SPATA31C1: variants seen among roughly 807,000 people sequenced by gnomAD.
The protein encoded by SPATA31C1 is SPATA31 subfamily C member 1.
chr9:87,921,886 G>T (rs1420635021), exon 5 of SPATA31C1: 1 of 1,611,908 alleles, frequency 6.2e-7, no homozygotes, highest in East Asian at 2.2e-5. Context: ...GTGAGGTTTT[G>T]GGCCAAACAC....
At chr9:87,922,162 G>A (rs758055726) in exon 5 of SPATA31C1, 19 of 1,613,170 alleles carry the variant, frequency 1.2e-5, no homozygotes, top group Admixed American at 6.7e-5. Flanking sequence ...AGGGCCCCGC[G>A]AGGGATCCCA....
chr9:87,920,698 A>G (rs1405953910), exon 5 of SPATA31C1: 1 of 1,613,930 alleles, frequency 6.2e-7, no homozygotes, highest in Non-Finnish European at 8.5e-7. Context: ...ACCGTCCCTC[A>G]AAGCTTGTCT....
At chr9:87,922,267 C>T (rs1236020046) in exon 5 of SPATA31C1, 2 of 1,612,764 alleles carry the variant, frequency 1.2e-6, no homozygotes, top group South Asian at 1.1e-5. Context: ...AAAGGCAGCA[C>T]CCAGCAGAGC....
rs550061707 is a variant in SPATA31C1 at position 87,921,721 on chromosome 9, C to A, written n.2111C>A. On this transcript the variant is annotated non_coding_transcript_exon_variant, in exon 5 of 5. Transcript: ENST00000420021. ...TTGATCCCCGTGAGTGTGCGTCGAT[C>A]CTGGCTTGCTGTCAACCAGGCTTTT... The A allele has an allele frequency of 1.5e-4, 249 of 1,612,070 alleles. No homozygotes were observed. Among genetic ancestry groups the A allele is most frequent in the Middle Eastern group, 4.5e-4 (2 of 4,430 alleles).
exon 5 of SPATA31C1, chr9:87,920,956 G>A (rs752958465): frequency 9.3e-6 from 15 of 1,612,810 alleles, no homozygotes; most frequent in South Asian, 5.5e-5. Context: ...CCCCAATTCC[G>A]GCCCACACCT....
intron 1 of SPATA31C1, among the ~76,000 whole-genome samples, chr9:87,916,933 G>A (rs1205749399): frequency 1.7e-5 from 1 of 58,392 alleles, no homozygotes; most frequent in Admixed American, 1.7e-4. Flanking sequence ...GGACGCACAG[G>A]TTGCAGTGAG....
chr9:87,920,254 T>C, exon 5 of SPATA31C1: 1 of 1,613,332 alleles, frequency 6.2e-7, no homozygotes, highest in Non-Finnish European at 8.5e-7. Context: ...TCCTGCAGCC[T>C]CCTGGGGCCA....
In SPATA31C1 at chr9:87,915,716, A is replaced by T. The variant is rs1448843234; in HGVS notation, n.189+1006A>T. Among the ~76,000 whole-genome samples, 4 of 143,238 alleles carry T rather than the reference A, an allele frequency of 2.8e-5. 1 individual carries two copies. The highest frequency in any genetic ancestry group is 6.2e-5 in the Non-Finnish European group (4 of 64,570). The allele number at this position is 143,238 out of a possible 152,430, so 94.0% of individuals were successfully genotyped here. On this transcript the variant is annotated intron_variant and non_coding_transcript_variant, in intron 1 of 4. Coordinates refer to ENST00000420021, the Ensembl canonical transcript of SPATA31C1. ...GAACTGATATTGCACTTTTTTCAAA[A>T]GTCAGTTGGTTGTACTTGTATGGAA...
At chr9:87,917,398 CAG>C (rs1210482577) in intron 1 of SPATA31C1, 3 of 137,466 alleles carry the variant, frequency 2.2e-5, no homozygotes, top group Non-Finnish European at 4.9e-5. Flanking sequence ...GCCTGGGCGA[CAG>C]AGAGGGACTC....
chr9:87,921,725 G>C, exon 5 of SPATA31C1: 1 of 1,612,054 alleles, frequency 6.2e-7, no homozygotes, highest in Non-Finnish European at 8.5e-7. Context: ...GTCGATCCTG[G>C]CTTGCTGTCA....
chr9:87,921,584 G>A, exon 5 of SPATA31C1: 1 of 1,612,022 alleles, frequency 6.2e-7, no homozygotes, highest in Non-Finnish European at 8.5e-7. Context: ...ACCTGAGGAA[G>A]CCCTTGAGGA....
exon 5 of SPATA31C1, chr9:87,923,116 A>C: frequency 1.2e-5 from 19 of 1,603,528 alleles, no homozygotes; most frequent in Non-Finnish European, 1.6e-5. Flanking sequence ...CAGATACCGG[A>C]GGAGAACATG....
intron 1 of SPATA31C1, among the ~76,000 whole-genome samples, chr9:87,916,914 A>G (rs1450204236): frequency 5.2e-5 from 3 of 57,860 alleles, no homozygotes; most frequent in African/African-American, 7.4e-5. Flanking sequence ...GGAGAATGGC[A>G]TGAACCCAGG....
exon 5 of SPATA31C1, chr9:87,921,565 C>T: frequency 1.9e-6 from 3 of 1,611,948 alleles, no homozygotes; most frequent in Non-Finnish European, 2.5e-6. Flanking sequence ...TCTGAGGAGT[C>T]AGAAAGGAAC....
At chr9:87,921,462 C>G in exon 5 of SPATA31C1, 7 of 1,611,748 alleles carry the variant, frequency 4.3e-6, no homozygotes, top group Non-Finnish European at 5.1e-6. Flanking sequence ...AGAGAGGGAC[C>G]CATGCCCACA....
chr9:87,920,150 G>A, intron 4 of SPATA31C1, 102 bp from the exon 4 acceptor site: 2 of 1,601,270 alleles, frequency 1.2e-6, no homozygotes, highest in Non-Finnish European at 1.7e-6. Flanking sequence ...TGGCGTGGTG[G>A]AGAGGGTGTG....
intron 3 of SPATA31C1, among the ~76,000 whole-genome samples, chr9:87,919,673 T>C (rs1360835276): frequency 1.1e-5 from 1 of 91,972 alleles, no homozygotes; most frequent in African/African-American, 4.0e-5. Context: ...CCCCAGTCCT[T>C]TCTCCTCACA....
chr9:87,915,588 A>G (rs985886841), intron 1 of SPATA31C1, among the ~76,000 whole-genome samples: 1 of 143,500 alleles, frequency 7.0e-6, no homozygotes, highest in Non-Finnish European at 1.5e-5. Context: ...GGCATGAGCC[A>G]CCGCGCCCGG....
exon 5 of SPATA31C1, chr9:87,921,094 C>T (rs1188152624): frequency 6.2e-7 from 1 of 1,611,574 alleles, no homozygotes; most frequent in Non-Finnish European, 8.5e-7. Flanking sequence ...CAAGCTCTCT[C>T]CTTACCTGAA....
Sources: gnomAD v4.1 joint callset for allele counts (sites outside exome capture counted in the v4.1 genomes callset) on GRCh38, gnomAD v4.1.1 for gene constraint, MANE v1.5 for transcripts, NCBI Gene and HGNC (gene_info 2026-07-23, HGNC 2026-07-21) for gene names.